The following CADPS variants were observed in gnomAD, a reference collection of about 807,000 sequenced individuals.
The protein encoded by CADPS is calcium dependent secretion activator.
In CADPS, 57 loss-of-function variants were observed where a neutral mutation model predicts 167.3. The observed-to-expected ratio is 0.34, with a 90% CI of 0.28 to 0.42. CADPS has a LOEUF of 0.42. Ranked by LOEUF, CADPS falls within the 20% of genes least tolerant of loss-of-function variation. The probability of loss-of-function intolerance (pLI) is 1.00; values close to 1 mark genes in which losing one functional copy is unlikely to be tolerated. For missense variants in CADPS, 1,414 were observed against 1,738.1 expected, an observed-to-expected ratio of 0.81 and a Z score of 3.32; for synonymous variants, 676 against 635.3, an observed-to-expected ratio of 1.06 and a Z score of -0.96.
intron 28 of CADPS, among the ~76,000 whole-genome samples, chr3:62,422,175 T>A (rs912321216): frequency 6.6e-6 from 1 of 152,148 alleles, no homozygotes; most frequent in Non-Finnish European, 1.5e-5. Flanking sequence ...CACGTCCACA[T>A]CCACTTACCC....
At chr3:62,840,235 T>C (rs1209544113) in intron 1 of CADPS, among the ~76,000 whole-genome samples, 1 of 152,210 alleles carries the variant, frequency 6.6e-6, no homozygotes. Flanking sequence ...CACTTTCCAA[T>C]TCTAATTCAT....
At chr3:62,543,313 T>C (rs1042487195) in intron 11 of CADPS, among the ~76,000 whole-genome samples, 1 of 152,184 alleles carries the variant, frequency 6.6e-6, no homozygotes, top group Non-Finnish European at 1.5e-5. Context: ...TTTTATGAGA[T>C]AAAACTACAG....
intron 1 of CADPS, among the ~76,000 whole-genome samples, chr3:62,826,094 C>A (rs191844230): frequency 6.6e-6 from 1 of 152,272 alleles, no homozygotes; most frequent in East Asian, 1.9e-4. Flanking sequence ...TAGCTTTTGC[C>A]TTATCCCAAG....
At chr3:62,742,200 C>A (rs35027010) in intron 3 of CADPS, among the ~76,000 whole-genome samples, 11,367 of 152,020 alleles carry the variant, frequency 0.075, 574 homozygotes, top group Non-Finnish European at 0.11. Flanking sequence ...GTCATACTGC[C>A]CAAAGCAATT....
rs2064143334 is a variant in CADPS at position 62,493,729 on chromosome 3, G to A, written c.2707-64C>T. 23 of 1,325,868 alleles carry A rather than the reference G, an allele frequency of 1.7e-5. No individual in the cohort carries two copies. In the South Asian group the frequency reaches 2.8e-4, roughly 16 times the overall value. 82.1% of individuals were successfully genotyped at this position (1,325,868 alleles called of 1,614,324 possible). A position where few individuals can be genotyped will look rare whatever the true frequency, so the allele number is the denominator to read the frequency against. On this transcript the variant is annotated intron_variant, in intron 18 of 29. Coordinates refer to ENST00000383710, the MANE Select transcript of CADPS (RefSeq NM_003716.4). ...CCATTCTGCAAGGTTGGCTTGGCTG[G>A]AAATAGACACCTGCTGTTTCCATTT...
intron 4 of CADPS, among the ~76,000 whole-genome samples, chr3:62,652,740 A>C (rs971245645): frequency 3.3e-5 from 5 of 152,180 alleles, no homozygotes; most frequent in Non-Finnish European, 7.3e-5. Flanking sequence ...AAAGAAAAGA[A>C]AAGAAAGATG....
At chr3:62,527,414 A>G (rs537454377) in intron 13 of CADPS, among the ~76,000 whole-genome samples, 1 of 151,850 alleles carries the variant, frequency 6.6e-6, no homozygotes, top group African/African-American at 2.4e-5. Flanking sequence ...GCAATCAAAA[A>G]TATCTCCAGA....
chr3:62,418,054 G>A (rs886197823), intron 28 of CADPS, among the ~76,000 whole-genome samples: 5 of 151,744 alleles, frequency 3.3e-5, no homozygotes, highest in African/African-American at 2.4e-5. Context: ...ATTATATATC[G>A]GGCACTATTC....
At chr3:62,466,617 C>T (rs936913659) in intron 24 of CADPS, 1 of 623,666 alleles carries the variant, frequency 1.6e-6, no homozygotes, top group African/African-American at 1.8e-5. Flanking sequence ...TTACCAAGTT[C>T]ATTGTTCCTT....
chr3:62,837,714 CAA>C (rs1157466014), intron 1 of CADPS, among the ~76,000 whole-genome samples: 9 of 152,128 alleles, frequency 5.9e-5, no homozygotes, highest in African/African-American at 7.2e-5. Context: ...TATCATAGAG[CAA>C]AGAGTATGAA....
intron 1 of CADPS, among the ~76,000 whole-genome samples, chr3:62,786,150 T>A (rs975284033): frequency 6.6e-6 from 1 of 152,098 alleles, no homozygotes; most frequent in African/African-American, 2.4e-5. Flanking sequence ...GAGGCAGAGG[T>A]TGCAGTGAGC....
At chr3:62,713,280 C>T (rs753856285) in intron 3 of CADPS, among the ~76,000 whole-genome samples, 3 of 152,174 alleles carry the variant, frequency 2.0e-5, no homozygotes, top group Non-Finnish European at 2.9e-5. Context: ...GGGATGACCT[C>T]TTCCTCACTG....
At position 62,481,727 on chromosome 3, in the gene CADPS, C is replaced by G; in HGVS notation, c.3169G>C (p.Ala1057Pro). 2 of 1,598,242 alleles carry G rather than the reference C, an allele frequency of 1.3e-6. No homozygotes were observed. Among genetic ancestry groups the G allele is most frequent in the South Asian group, 2.3e-5 (2 of 86,996 alleles). ...APSWMAAIYD[A>P]DNGSGTSEDL... ...TAATGTGAACTGAATACACACTCCG[C>G]ATCATATATAGCAGCCATCCATGAC... The change falls in exon 22 of 30, where the codon GCG becomes CCG. Residue 1057 changes from alanine to proline, a missense_variant. Ala to Pro is a conservative substitution (Grantham distance 27, BLOSUM62 -1). Transcript: ENST00000383710.
intron 1 of CADPS, among the ~76,000 whole-genome samples, chr3:62,788,690 T>C (rs777293214): frequency 1.6e-4 from 25 of 152,292 alleles, no homozygotes; most frequent in Non-Finnish European, 3.1e-4. Flanking sequence ...ATGGAATTAT[T>C]AGTGTATTTT....
At chr3:62,764,108 T>C (rs1370701943) in intron 2 of CADPS, among the ~76,000 whole-genome samples, 1 of 152,208 alleles carries the variant, frequency 6.6e-6, no homozygotes, top group Non-Finnish European at 1.5e-5. Flanking sequence ...TAAACTCTGG[T>C]GAATGACTCT....
At chr3:62,549,846 T>A (rs910083723) in intron 11 of CADPS, 57 bp downstream of exon 11, 3 of 1,339,208 alleles carry the variant, frequency 2.2e-6, no homozygotes, top group Non-Finnish European at 3.1e-6. Context: ...TAATTCAACT[T>A]TGGAAGGTTT....
At position 62,532,920 on chromosome 3, in the gene CADPS, G is replaced by C; in HGVS notation, c.2242C>G (p.Leu748Val). 1 of 1,613,822 alleles carries C rather than the reference G, an allele frequency of 6.2e-7. No individual in the cohort carries two copies. Among genetic ancestry groups the C allele is most frequent in the Admixed American group, 1.7e-5 (1 of 59,998 alleles). The change falls in exon 13 of 30, where the codon CTT becomes GTT. Residue 748 changes from leucine (L) to valine (V), a missense_variant. By Grantham distance (32) the Leu-to-Val change is conservative. Transcript: ENST00000383710. ...CAGAAGGCAAAGCTGTAGTGAAGAA[G>C]GGTGGGGTCGATCATGGCGCCATTT... ...AENGAMIDPT[L>V]LHYSFAFCAS...
At chr3:62,485,955 A>T (rs2062749228) in intron 21 of CADPS, among the ~76,000 whole-genome samples, 2 of 152,108 alleles carry the variant, frequency 1.3e-5, no homozygotes, top group South Asian at 4.1e-4. Context: ...CCAGCAAATT[A>T]TTGGCAGAAT....
Position 62,417,857 on chromosome 3 carries a change from A to C in CADPS, c.3778-14672T>G, listed in dbSNP as rs574212328. ...AAAACAAACAAACAAACAAAAAAAAACCTAGCAATAATAATAATAAAAGTA... is the reference window on the plus strand; with the variant it reads ...AAAACAAACAAACAAACAAAAAAAACCCTAGCAATAATAATAATAAAAGTA... On this transcript the variant is annotated intron_variant, in intron 28 of 29. Coordinates refer to ENST00000383710, the MANE Select transcript of CADPS (RefSeq NM_003716.4). Among the ~76,000 whole-genome samples the C allele has an allele frequency of 5.8e-3, 887 of 151,926 alleles. 11 individuals carry two copies. The highest frequency in any genetic ancestry group is 0.02 in the African/African-American group (841 of 41,386).
Sources: gnomAD v4.1 joint callset for allele counts (sites outside exome capture counted in the v4.1 genomes callset) on GRCh38, gnomAD v4.1.1 for gene constraint, MANE v1.5 for transcripts, NCBI Gene and HGNC (gene_info 2026-07-23, HGNC 2026-07-21) for gene names.